Variants in ARHGAP39 observed in about 807,000 individuals in gnomAD.
ARHGAP39 encodes rho GTPase-activating protein 39.
A neutral mutation model predicts 106.9 loss-of-function variants in ARHGAP39; 44 were observed. The observed-to-expected ratio is 0.41, with a 90% CI of 0.32 to 0.53. The LOEUF (loss-of-function observed/expected upper bound fraction) is 0.53, where lower values mean the gene tolerates loss of function less well. Ranked by LOEUF, ARHGAP39 falls within the 20% of genes least tolerant of loss-of-function variation. The pLI is 0.21. For missense variants in ARHGAP39, 1,496 were observed against 1,577.3 expected (o/e 0.95, Z 0.87); for synonymous variants, 768 against 693.2 (o/e 1.11, Z -1.69).
chr8:144,573,057 A>T (rs1239091250), intron 3 of ARHGAP39, among the ~76,000 whole-genome samples: 1 of 152,232 alleles, frequency 6.6e-6, no homozygotes, highest in Non-Finnish European at 1.5e-5. Flanking sequence ...TTCGTCAAGG[A>T]TTTAGAACTA....
At chr8:144,686,934 T>TGACCACACACTAGCGGTGAGCAC (rs1822609147), upstream of ARHGAP39, among the ~76,000 whole-genome samples, 1 of 18,752 alleles carries the variant, frequency 5.3e-5, no homozygotes, top group African/African-American at 2.2e-4. Flanking sequence ...GCGGCGACCA[T>TGACCACACACTAGCGGTGAGCAC]TTCCCACCCC....
rs1485398259 is a variant in ARHGAP39 at position 144,671,606 on chromosome 8, G to A, written c.-82+14080C>T. Among the ~76,000 whole-genome samples the A allele has an allele frequency of 6.6e-6, 1 of 152,184 alleles. No individual in the cohort carries two copies. Among genetic ancestry groups the A allele is most frequent in the African/African-American group, 2.4e-5 (1 of 41,440 alleles). ...ATCCCTCCCGCCTGAGGCTCTTTCT[G>A]TGCCTGGTGAATAGCCCAAGGCTCA... On this transcript the variant is annotated intron_variant, in intron 1 of 11. Transcript: ENST00000377307. This position sits in a 1 kb window ranked among gnomAD's most constrained non-coding sequence, Gnocchi z 4.5.
Position 144,547,321 on chromosome 8 carries a change from C to T in ARHGAP39, c.1765G>A (p.Gly589Ser), listed in dbSNP as rs571283262. The T allele has an allele frequency of 3.4e-5, 55 of 1,609,496 alleles. 2 individuals are homozygous for T. The South Asian group carries it at 5.4e-4, about 16-fold the overall frequency. The change falls in exon 5 of 12, where the codon GGC becomes AGC. Residue 589 changes from glycine to serine, a missense_variant. By Grantham distance (56) the Gly-to-Ser change is moderately conservative. Around this residue, in one of 4 missense-constraint regions of ARHGAP39, gnomAD observed 905 missense variants for 816.4 expected, o/e 1.11. Transcript: ENST00000377307. This position sits in a 1 kb window ranked among gnomAD's most constrained non-coding sequence, Gnocchi z 5.2. ...CCGGGCATGGGCAGTGGCAGGGCGC[C>T]GTCGCTCTCGTAGCCAGAGCCGTCC... Reference protein sequence around the residue: ...QQDGSGYESDGALPLPMPGPV... With the variant: ...QQDGSGYESDSALPLPMPGPV...
At chr8:144,629,548 G>T (rs1821010851) in intron 1 of ARHGAP39, among the ~76,000 whole-genome samples, 1 of 152,236 alleles carries the variant, frequency 6.6e-6, no homozygotes, top group Non-Finnish European at 1.5e-5. Context: ...AGCAAGTGTG[G>T]TTTCAGAAGT....
intron 2 of ARHGAP39, 80 bp downstream of exon 2, chr8:144,605,455 C>T (rs1413269575): frequency 1.4e-6 from 2 of 1,443,182 alleles, no homozygotes; most frequent in Non-Finnish European, 1.9e-6. Context: ...CCTGCATGCA[C>T]ACTGCTTTCT....
chr8:144,672,257 T>A (rs1035702527), intron 1 of ARHGAP39, among the ~76,000 whole-genome samples: 2 of 152,186 alleles, frequency 1.3e-5, no homozygotes, highest in Non-Finnish European at 2.9e-5. Flanking sequence ...CTGCAGAGGC[T>A]TCAGCACAGC....
intron 2 of ARHGAP39, among the ~76,000 whole-genome samples, chr8:144,602,054 G>GTT: frequency 7.5e-6 from 1 of 132,748 alleles, no homozygotes; most frequent in Non-Finnish European, 1.6e-5. Context: ...TGTGCGTGGA[G>GTT]GCATGCGTGC....
Position 144,663,351 on chromosome 8 carries a change from C to A in ARHGAP39, c.-82+22335G>T, listed in dbSNP as rs113279940. On this transcript the variant is annotated intron_variant, in intron 1 of 11. Transcript: ENST00000377307. ...GGCCTCAGGAACCTTCCATTCCTGGCAGACAGGAATGAGAGCTGGCATGTG... is the reference window on the plus strand; with the variant it reads ...GGCCTCAGGAACCTTCCATTCCTGGAAGACAGGAATGAGAGCTGGCATGTG... Among the ~76,000 whole-genome samples, 473 of 152,250 alleles carry A rather than the reference C, an allele frequency of 3.1e-3. 4 individuals are homozygous for A. Among genetic ancestry groups the A allele is most frequent in the Non-Finnish European group, 4.6e-3 (311 of 68,020 alleles).
chr8:144,543,008 C>T (rs1352141847), intron 6 of ARHGAP39, among the ~76,000 whole-genome samples: 2 of 151,552 alleles, frequency 1.3e-5, no homozygotes, highest in Non-Finnish European at 2.9e-5. Context: ...GTTGCCCAGG[C>T]TGGAGTGCAG....
chr8:144,634,124 C>T (rs1465446681), intron 1 of ARHGAP39, among the ~76,000 whole-genome samples: 1 of 151,284 alleles, frequency 6.6e-6, no homozygotes, highest in Non-Finnish European at 1.5e-5. Context: ...CCTCTGCTGG[C>T]GCATTCTCCA....
chr8:144,692,952 T>G, the ARHGAP39 span, among the ~76,000 whole-genome samples: 1 of 149,540 alleles, frequency 6.7e-6, no homozygotes, highest in Middle Eastern at 3.5e-3. Flanking sequence ...AGAGATGGGG[T>G]TTCACTGTGT....
Position 144,641,193 on chromosome 8 carries a change from T to C in ARHGAP39, c.-81-35498A>G, listed in dbSNP as rs932071562. The stretch of plus-strand genomic sequence containing the variant: ...CACGGGGGGAAAGACCACACCGGCT[T>C]CTGGTTCTCAGGTTCTAGTCTATGA... On this transcript the variant is annotated intron_variant, in intron 1 of 11. Coordinates refer to ENST00000377307, the MANE Select transcript of ARHGAP39 (RefSeq NM_025251.3). This position sits in a 1 kb window ranked among gnomAD's most constrained non-coding sequence, Gnocchi z 5.2. Among the ~76,000 whole-genome samples, 1 of 152,046 alleles carries C rather than the reference T, an allele frequency of 6.6e-6. No individual in the cohort carries two copies. The highest frequency in any genetic ancestry group is 1.5e-5 in the Non-Finnish European group (1 of 68,004).
At chr8:144,534,336 C>G in intron 7 of ARHGAP39, 134 bp from the exon 8 acceptor site, 3 of 875,442 alleles carry the variant, frequency 3.4e-6, no homozygotes, top group Non-Finnish European at 5.4e-6. Flanking sequence ...CCCTGCCCAG[C>G]ACAGCGGGTC....
chr8:144,548,875 T>C lies in ARHGAP39; in HGVS notation c.597-386A>G, dbSNP rs975813952. ...CCTGTGTTCCTGCTGAGCAGTGGCG[T>C]TGGACCCGTCCCAGTGGTCCAGGTG... On this transcript the variant is annotated intron_variant, in intron 4 of 11. Coordinates refer to ENST00000377307, the MANE Select transcript of ARHGAP39 (RefSeq NM_025251.3). This position sits in a 1 kb window ranked among gnomAD's most constrained non-coding sequence, Gnocchi z 7.4. Among the ~76,000 whole-genome samples, 2 of 152,288 alleles carry C rather than the reference T, an allele frequency of 1.3e-5. No individual in the cohort carries two copies. Among genetic ancestry groups the C allele is most frequent in the African/African-American group, 2.4e-5 (1 of 41,566 alleles).
chr8:144,533,073 G>A (rs2130816024), intron 9 of ARHGAP39, 53 bp downstream of exon 9: 1 of 1,568,902 alleles, frequency 6.4e-7, no homozygotes, highest in Non-Finnish European at 8.6e-7. Flanking sequence ...ACAGATGCAT[G>A]GTGGACACAT....
chr8:144,644,007 C>T lies in ARHGAP39; in HGVS notation c.-81-38312G>A, dbSNP rs1311834397. 6.6e-6 allele frequency among the ~76,000 whole-genome samples: 1 copy of T among 152,194 alleles called. No individual in the cohort carries two copies. The highest frequency in any genetic ancestry group is 2.4e-5 in the African/African-American group (1 of 41,438). Reference sequence around the variant, plus strand: ...CTCGTACACTGCAAGTAAGAACTCACTTTGGAAAACAGTTTGGCAAAAATC... The same window carrying T: ...CTCGTACACTGCAAGTAAGAACTCATTTTGGAAAACAGTTTGGCAAAAATC... On this transcript the variant is annotated intron_variant, in intron 1 of 11. Transcript: ENST00000377307. This position sits in a 1 kb window ranked among gnomAD's most constrained non-coding sequence, Gnocchi z 4.8.
chr8:144,530,942 G>A (rs1334166697), intron 10 of ARHGAP39, 71 bp from the exon 11 acceptor site: 31 of 1,517,462 alleles, frequency 2.0e-5, no homozygotes, highest in East Asian at 7.0e-5. Context: ...GTCCCGTGGC[G>A]GACATGCATG....
chr8:144,548,098 T>G lies in ARHGAP39; in HGVS notation c.988A>C (p.Met330Leu), dbSNP rs1413473994. Residue 330 changes from methionine (M) to leucine (L), a missense_variant, in exon 5 of 12, where the codon ATG becomes CTG. By Grantham distance (15) the Met-to-Leu change is conservative. Transcript: ENST00000377307. This position sits in a 1 kb window ranked among gnomAD's most constrained non-coding sequence, Gnocchi z 7.4. ...YQAPIYDEPP[M>L]DVQFEAGGGY... The stretch of plus-strand genomic sequence containing the variant: ...CCGCCAGCCTCGAATTGCACGTCCA[T>G]GGGGGGCTCATCGTAGATGGGGGCC... The G allele has an allele frequency of 6.3e-7, 1 of 1,586,516 alleles. No individual in the cohort carries two copies. The highest frequency in any genetic ancestry group is 8.6e-7 in the Non-Finnish European group (1 of 1,167,688).
chr8:144,547,174 C>T lies in ARHGAP39; in HGVS notation c.1912G>A (p.Val638Met), dbSNP rs143260260. The change falls in exon 5 of 12, where the codon GTG becomes ATG. Residue 638 changes from valine (V) to methionine (M), a missense_variant. By Grantham distance (21) the Val-to-Met change is conservative. This residue lies in a region of ARHGAP39 where 905 missense variants were observed against 816.4 expected (regional missense o/e 1.11). Transcript: ENST00000377307. This position sits in a 1 kb window ranked among gnomAD's most constrained non-coding sequence, Gnocchi z 5.2. ...PQILLEKSVSVQTNLASPEPY... is the reference protein window; with the variant it reads ...PQILLEKSVSMQTNLASPEPY... ...TCTGGTGAGGCCAGGTTGGTCTGCA[C>T]GGAGACGCTCTTCTCCAGCAGGATC... is the stretch of plus-strand genomic sequence containing the variant. 1.2e-6 allele frequency: 2 copies of T among 1,611,126 alleles called. No homozygotes were observed. Among genetic ancestry groups the T allele is most frequent in the South Asian group, 1.1e-5 (1 of 90,646 alleles).
Sources: allele counts gnomAD v4.1 joint callset (sites outside exome capture counted in the v4.1 genomes callset), GRCh38; gene constraint gnomAD v4.1.1; regional missense constraint gnomAD v4.1.1; non-coding constraint Gnocchi (gnomAD v3.1); transcripts MANE v1.5; gene names NCBI Gene and HGNC (gene_info 2026-07-23, HGNC 2026-07-21).